The following EFCAB8 variants were observed in gnomAD, a reference collection of about 807,000 sequenced individuals.
EFCAB8 encodes the protein EF-hand calcium-binding domain-containing protein 8.
A neutral mutation model predicts 116.3 loss-of-function variants in EFCAB8; 100 were observed. That is an observed-to-expected ratio of 0.86 (90% CI 0.73 to 1.02). EFCAB8 has a LOEUF of 1.02. EFCAB8 is among the 50% of genes least tolerant of loss of function. EFCAB8 has a pLI of 0.00. For synonymous variants in EFCAB8, 558 were observed against 567.9 expected (o/e 0.98, Z 0.25); for missense variants, 1,320 against 1,416.9 (o/e 0.93, Z 1.10).
intron 23 of EFCAB8, among the ~76,000 whole-genome samples, chr20:32,949,543 GAGAC>G (rs777095055): frequency 3.3e-5 from 5 of 152,208 alleles, no homozygotes; most frequent in Non-Finnish European, 7.3e-5. Flanking sequence ...TAATGGCATA[GAGAC>G]AGACAGACAG....
chr20:32,936,852 T>G (rs911176487), intron 22 of EFCAB8, among the ~76,000 whole-genome samples: 2 of 152,172 alleles, frequency 1.3e-5, no homozygotes, highest in African/African-American at 4.8e-5. Flanking sequence ...GAAATGACAT[T>G]GGAATTTTGA....
intron 23 of EFCAB8, among the ~76,000 whole-genome samples, chr20:32,947,661 GA>G (rs1321513129): frequency 6.6e-6 from 1 of 151,828 alleles, no homozygotes; most frequent in African/African-American, 2.4e-5. Context: ...GAATGAAAAT[GA>G]AAATGTAACA....
intron 23 of EFCAB8, among the ~76,000 whole-genome samples, chr20:32,947,214 T>C (rs1988623595): frequency 1.3e-5 from 2 of 152,376 alleles, no homozygotes; most frequent in Admixed American, 6.5e-5. Context: ...TGTGTCTTCA[T>C]CAACATTTGG....
At chr20:32,942,402 T>A (rs1988434518) in intron 22 of EFCAB8, among the ~76,000 whole-genome samples, 1 of 152,032 alleles carries the variant, frequency 6.6e-6, no homozygotes, top group African/African-American at 2.4e-5. Flanking sequence ...TAAAAATACA[T>A]TAGGTTGGGC....
At chr20:32,939,127 CTTTCTTT>C (rs1568941472) in intron 22 of EFCAB8, among the ~76,000 whole-genome samples, 2,000 of 34,504 alleles carry the variant, frequency 0.058, 247 homozygotes, top group African/African-American at 0.063. Flanking sequence ...CTTTCTTTCT[CTTTCTTT>C]CTTTCTTTCT....
Position 32,892,272 on chromosome 20 carries a change from A to G in EFCAB8, c.733A>G (p.Ser245Gly), listed in dbSNP as rs369684827. 7.1e-6 allele frequency: 11 copies of G among 1,551,550 alleles called. No individual in the cohort carries two copies. The African/African-American group carries it at 1.5e-4, about 21-fold the overall frequency. ...GGCCTTCACCTTTGTTGATCTGGAC[A>G]GCTGTGCTCTGGTCATGGACTACTG... The part of the protein sequence containing the change: ...VRAFTFVDLD[S>G]CALVMDYWSD... The change falls in exon 8 of 27, where the codon AGC (serine) becomes GGC (glycine). Residue 245 changes from serine (S) to glycine (G), a missense_variant. By Grantham distance (56) the Ser-to-Gly change is moderately conservative. Coordinates refer to ENST00000400522, the MANE Select transcript of EFCAB8 (RefSeq NM_001143967.2).
chr20:32,887,613 A>C (rs1985698177), intron 6 of EFCAB8, among the ~76,000 whole-genome samples: 1 of 152,230 alleles, frequency 6.6e-6, no homozygotes, highest in South Asian at 2.1e-4. Flanking sequence ...TTAGGTGGCC[A>C]CACCTACCTC....
At chr20:32,923,412 G>A (rs1241500630) in intron 20 of EFCAB8, among the ~76,000 whole-genome samples, 1 of 151,944 alleles carries the variant, frequency 6.6e-6, no homozygotes, top group Non-Finnish European at 1.5e-5. Flanking sequence ...ATTGAACCCG[G>A]GAGGCGGAGG....
chr20:32,861,010 T>C (rs1406746863), intron 1 of EFCAB8, among the ~76,000 whole-genome samples: 1 of 152,078 alleles, frequency 6.6e-6, no homozygotes, highest in Non-Finnish European at 1.5e-5. Flanking sequence ...GTGTTGGCAT[T>C]ACAGGTATGA....
chr20:32,920,362 C>T (rs544719541), intron 20 of EFCAB8, 147 bp downstream of exon 20: 110 of 1,134,128 alleles, frequency 9.7e-5, no homozygotes, highest in South Asian at 2.3e-4. Context: ...AGGATGGAGA[C>T]GCTCAGGATA....
At chr20:32,937,462 A>G (rs955224783) in intron 22 of EFCAB8, among the ~76,000 whole-genome samples, 1 of 152,220 alleles carries the variant, frequency 6.6e-6, no homozygotes, top group African/African-American at 2.4e-5. Flanking sequence ...AGAAAGACAC[A>G]AACTACTAAA....
rs188428763 is a variant in EFCAB8 at position 32,917,208 on chromosome 20, G to C, written c.1857-93G>C. The C allele has an allele frequency of 3.3e-5, 33 of 1,007,048 alleles. No homozygotes were observed. In the East Asian group the frequency reaches 8.6e-4, roughly 26 times the overall value. The allele number at this position is 1,007,048 out of a possible 1,614,324, so 62.4% of individuals were successfully genotyped here. ...CCTGAGAGTATCCTCCTCTGAGTCGGCTCCCAGAATCCTCAAGGCTCCAGT... is the reference window on the plus strand; with the variant it reads ...CCTGAGAGTATCCTCCTCTGAGTCGCCTCCCAGAATCCTCAAGGCTCCAGT... On this transcript the variant is annotated intron_variant, in intron 17 of 26. Transcript: ENST00000400522.
At chr20:32,862,304 AT>A (rs1174704819) in intron 1 of EFCAB8, among the ~76,000 whole-genome samples, 1 of 151,460 alleles carries the variant, frequency 6.6e-6, no homozygotes, top group Non-Finnish European at 1.5e-5. Flanking sequence ...CTAATTTTGG[AT>A]TTTTTGTAGA....
intron 20 of EFCAB8, among the ~76,000 whole-genome samples, chr20:32,921,543 A>C (rs926006125): frequency 3.3e-5 from 5 of 152,054 alleles, no homozygotes; most frequent in Non-Finnish European, 4.4e-5. Flanking sequence ...AAAATACCTT[A>C]GATAACTTTT....
chr20:32,906,153 C>T (rs1397430708), intron 11 of EFCAB8, among the ~76,000 whole-genome samples: 5 of 152,246 alleles, frequency 3.3e-5, no homozygotes, highest in South Asian at 4.2e-4. Context: ...CTTGGAACCC[C>T]GCTTTTTTCT....
At chr20:32,935,478 G>A (rs143789503) in intron 22 of EFCAB8, among the ~76,000 whole-genome samples, 2 of 151,120 alleles carry the variant, frequency 1.3e-5, no homozygotes, top group East Asian at 3.9e-4. Flanking sequence ...GGGATTACAG[G>A]CATGAGCCAC....
chr20:32,860,466 A>G (rs1382363640), intron 1 of EFCAB8, among the ~76,000 whole-genome samples: 1 of 122,392 alleles, frequency 8.2e-6, no homozygotes, highest in South Asian at 2.6e-4. Flanking sequence ...GATGGATGTC[A>G]TTTTGTTCCA....
rs751703752 is a variant in EFCAB8, at chr20:32,893,375, G to A, written c.883+77G>A. 1.5e-4 allele frequency: 236 copies of A among 1,526,408 alleles called. 1 individual carries two copies. The highest frequency in any genetic ancestry group is 2.5e-4 in the East Asian group (10 of 40,440). The allele number at this position is 1,526,408 out of a possible 1,614,324, so 94.6% of individuals were successfully genotyped here. ...GGGTGCTGAGGTCATCCTGGTCCCC[G>A]AGCCCCCCACTCCCTGCCTCTGCTC... is the stretch of plus-strand genomic sequence containing the variant. On this transcript the variant is annotated intron_variant, in intron 9 of 26. Transcript: ENST00000400522.
chr20:32,906,487 C>T, intron 11 of EFCAB8, 75 bp from the exon 12 acceptor site: 1 of 713,662 alleles, frequency 1.4e-6, no homozygotes, highest in Non-Finnish European at 2.6e-6. Context: ...CTCCTCCCAC[C>T]CCAGGCTCAG....
Sources: gnomAD v4.1 joint callset for allele counts (sites outside exome capture counted in the v4.1 genomes callset) on GRCh38, gnomAD v4.1.1 for gene constraint, MANE v1.5 for transcripts, NCBI Gene and HGNC (gene_info 2026-07-23, HGNC 2026-07-21) for gene names.